Variants in LPCAT3 observed in about 807,000 individuals in gnomAD.
LPCAT3 encodes the protein lysophosphatidylcholine acyltransferase 3.
Under a neutral mutation model 63.4 loss-of-function variants are expected in LPCAT3, and 21 were observed. That is an observed-to-expected ratio of 0.33 (90% confidence interval 0.23 to 0.48). The LOEUF (loss-of-function observed/expected upper bound fraction) is 0.48, where lower values mean the gene tolerates loss of function less well. LPCAT3 is among the 20% of genes least tolerant of loss of function. The pLI, the probability that LPCAT3 is intolerant of heterozygous loss-of-function variation, is 0.99. For missense variants in LPCAT3, 451 were observed against 590.6 expected (o/e 0.76, Z 2.45); for synonymous variants, 242 against 227.5 (o/e 1.06, Z -0.58).
intron 1 of LPCAT3, among the ~76,000 whole-genome samples, chr12:7,006,772 A>G (rs1310942183): frequency 6.6e-6 from 1 of 152,292 alleles, no homozygotes; most frequent in Non-Finnish European, 1.5e-5. Context: ...CTTTATGTGT[A>G]CTATTTCAGT....
intron 1 of LPCAT3, among the ~76,000 whole-genome samples, chr12:7,009,996 G>T (rs1280641276): frequency 6.6e-6 from 1 of 152,156 alleles, no homozygotes; most frequent in Non-Finnish European, 1.5e-5. Flanking sequence ...ATAAAGAAAT[G>T]GGTGGTTGAA....
chr12:7,000,370 G>A (rs1258449055), intron 1 of LPCAT3, among the ~76,000 whole-genome samples: 3 of 151,190 alleles, frequency 2.0e-5, no homozygotes, highest in East Asian at 2.0e-4. Flanking sequence ...GGCAGATCAC[G>A]AGGTCAGGAG....
chr12:7,000,301 A>G (rs922568056), intron 1 of LPCAT3, among the ~76,000 whole-genome samples: 7 of 151,658 alleles, frequency 4.6e-5, no homozygotes, highest in Non-Finnish European at 7.4e-5. Context: ...CTTAAAGGTG[A>G]AAATATTTGG....
rs1192279719 is a variant in LPCAT3 at position 6,981,859 on chromosome 12, C to T, written c.412G>A (p.Asp138Asn). The change falls in exon 4 of 13, where the codon GAT (aspartate) becomes AAT (asparagine). Residue 138 changes from aspartate (D) to asparagine (N), a missense_variant. Coordinates refer to ENST00000261407, the MANE Select transcript of LPCAT3 (RefSeq NM_005768.6). ...CAATGTGGCATTGTCCACTTGATATCGTAGTTGCCGGTGGCAGTGTAATAG... is the reference window on the plus strand; with the variant it reads ...CAATGTGGCATTGTCCACTTGATATTGTAGTTGCCGGTGGCAGTGTAATAG... The part of the protein sequence containing the change: ...GYYYTATGNY[D>N]IKWTMPHCVL... The T allele has an allele frequency of 1.2e-6, 2 of 1,613,878 alleles. No homozygotes were observed. The highest frequency in any genetic ancestry group is 1.7e-6 in the Non-Finnish European group (2 of 1,179,866).
intron 1 of LPCAT3, among the ~76,000 whole-genome samples, chr12:7,000,226 C>A (rs1415682946): frequency 6.6e-6 from 1 of 151,138 alleles, no homozygotes; most frequent in Non-Finnish European, 1.5e-5. Flanking sequence ...GGCCTACTTA[C>A]ATTCGTTAAA....
chr12:6,989,933 G>C lies in LPCAT3; in HGVS notation c.152-6394C>G, dbSNP rs907376056. Among the ~76,000 whole-genome samples the C allele has an allele frequency of 1.3e-5, 2 of 152,104 alleles. 1 individual carries two copies. The highest frequency in any genetic ancestry group is 4.1e-4 in the South Asian group (2 of 4,826). On this transcript the variant is annotated intron_variant, in intron 1 of 12. Coordinates refer to ENST00000261407, the MANE Select transcript of LPCAT3 (RefSeq NM_005768.6). ...CACACCTGTAATCCCAGTGCTTTGG[G>C]AGGCTGAGACGGGAGAATCACTGGA...
intron 1 of LPCAT3, among the ~76,000 whole-genome samples, chr12:7,002,909 T>C (rs1227524129): frequency 6.6e-6 from 1 of 152,064 alleles, no homozygotes; most frequent in Non-Finnish European, 1.5e-5. Flanking sequence ...CTCAGGAGGC[T>C]GAGGCAGGAG....
intron 2 of LPCAT3, chr12:6,983,082 A>G (rs781963731): frequency 3.9e-5 from 21 of 536,530 alleles, no homozygotes; most frequent in South Asian, 3.5e-4. Flanking sequence ...CCGGGCTACC[A>G]CACCCAGCTT....
intron 1 of LPCAT3, among the ~76,000 whole-genome samples, chr12:7,012,328 C>A (rs1735598887): frequency 6.6e-6 from 1 of 152,160 alleles, no homozygotes; most frequent in African/African-American, 2.4e-5. Flanking sequence ...ACATGCTCCT[C>A]CCAATCTCAG....
At chr12:7,003,819 G>A (rs1555156699) in intron 1 of LPCAT3, among the ~76,000 whole-genome samples, 1 of 151,764 alleles carries the variant, frequency 6.6e-6, no homozygotes, top group African/African-American at 2.4e-5. Context: ...CTACTTGGGA[G>A]GCTGAGGCAG....
rs59048377 is a variant in LPCAT3 at position 6,990,526 on chromosome 12, A to AAAATAAAT, written c.152-6995_152-6988dup. 7.7e-3 allele frequency among the ~76,000 whole-genome samples: 1,115 copies of AAAATAAAT among 144,490 alleles called. 13 individuals carry two copies. The highest frequency in any genetic ancestry group is 0.034 in the East Asian group (166 of 4,918). 94.8% of individuals were successfully genotyped at this position (144,490 alleles called of 152,430 possible). The stretch of plus-strand genomic sequence containing the variant: ...TCCGCCTCAAAAAGAAAATTAAAAT[A>AAAATAAAT]AAATAAATAAATAAATAAATAAATA... On this transcript the variant is annotated intron_variant, in intron 1 of 12. Transcript: ENST00000261407.
At chr12:6,992,109 C>T (rs1231184965) in intron 1 of LPCAT3, among the ~76,000 whole-genome samples, 1 of 151,866 alleles carries the variant, frequency 6.6e-6, no homozygotes, top group Non-Finnish European at 1.5e-5. Flanking sequence ...ACATTTGATA[C>T]AATTAACAAT....
Position 6,977,436 on chromosome 12 carries a change from G to A in LPCAT3, c.1278C>T (p.Thr426=), listed in dbSNP as rs781852721. 6.2e-7 allele frequency: 1 copy of A among 1,614,178 alleles called. No individual in the cohort carries two copies. The highest frequency in any genetic ancestry group is 2.2e-5 in the East Asian group (1 of 44,880). ...AGTAACCCATGAAGAGCCAGTGGATGGTCTGTTGCACCAAATAGTAGAAGG... is the reference window on the plus strand; with the variant it reads ...AGTAACCCATGAAGAGCCAGTGGATAGTCTGTTGCACCAAATAGTAGAAGG... ...LQPFYYLVQQ[T]IHWLFMGYSM... Residue 426 remains threonine (T), a synonymous_variant, in exon 11 of 13, where the codon ACC becomes ACT. Coordinates refer to ENST00000261407, the MANE Select transcript of LPCAT3 (RefSeq NM_005768.6). This position sits in a 1 kb window ranked among gnomAD's most constrained non-coding sequence, Gnocchi z 4.5.
intron 7 of LPCAT3, 83 bp from the exon 8 acceptor site, chr12:6,978,772 G>C (rs782279915): frequency 7.5e-5 from 118 of 1,566,836 alleles, no homozygotes; most frequent in Non-Finnish European, 9.8e-5. Context: ...CACACTTGTG[G>C]CTGGCTACTT....
chr12:7,001,395 T>C (rs1946686462), intron 1 of LPCAT3: 5 of 454,428 alleles, frequency 1.1e-5, no homozygotes, highest in South Asian at 7.8e-5. Context: ...AAAAAAATAA[T>C]CAACCACCAC....
rs149121146 is a variant in LPCAT3 at position 6,980,401 on chromosome 12, G to A, written c.677+603C>T. ...ATTTTGCTATGTTGCCCAGAATGGA[G>A]TGCAGTGGTGTGATCAAAGCTCACT... On this transcript the variant is annotated intron_variant, in intron 6 of 12. Coordinates refer to ENST00000261407, the MANE Select transcript of LPCAT3 (RefSeq NM_005768.6). 3.6e-3 allele frequency among the ~76,000 whole-genome samples: 549 copies of A among 152,220 alleles called. 7 individuals carry two copies. The highest frequency in any genetic ancestry group is 0.014 in the Middle Eastern group (4 of 294).
chr12:6,997,379 ATGTGTGTG>A (rs201579525), intron 1 of LPCAT3: 2,956 of 114,106 alleles, frequency 0.026, 29 homozygotes, highest in Middle Eastern at 0.076. Context: ...ACAGCAAATT[ATGTGTGTG>A]TGTGTGTGTG....
At chr12:6,986,477 T>C (rs1397683950) in intron 1 of LPCAT3, among the ~76,000 whole-genome samples, 2 of 152,168 alleles carry the variant, frequency 1.3e-5, no homozygotes, top group African/African-American at 4.8e-5. Context: ...AGTAGTTAAG[T>C]TTTTGGAGAG....
Position 6,977,840 on chromosome 12 carries a change from GTGC to G in LPCAT3, c.1041-98_1041-96del. The G allele has an allele frequency of 6.9e-7, 1 of 1,457,732 alleles. No homozygotes were observed. Among genetic ancestry groups the G allele is most frequent in the African/African-American group, 1.4e-5 (1 of 71,872 alleles). The allele number at this position is 1,457,732 out of a possible 1,614,324, so 90.3% of individuals were successfully genotyped here. ...TCCTCACCCTGAGGATTGGATTGGAGTGCTGGTGGGTTCCCACGTGTAGCCCCC... is the reference window on the plus strand; with the variant it reads ...TCCTCACCCTGAGGATTGGATTGGAGTGGTGGGTTCCCACGTGTAGCCCCC... On this transcript the variant is annotated intron_variant, in intron 9 of 12. Coordinates refer to ENST00000261407, the MANE Select transcript of LPCAT3 (RefSeq NM_005768.6). This position sits in a 1 kb window ranked among gnomAD's most constrained non-coding sequence, Gnocchi z 4.5.
Sources: gnomAD v4.1 joint callset for allele counts (sites outside exome capture counted in the v4.1 genomes callset) on GRCh38, gnomAD v4.1.1 for gene constraint, Gnocchi (gnomAD v3.1) non-coding constraint, MANE v1.5 for transcripts, NCBI Gene and HGNC (gene_info 2026-07-23, HGNC 2026-07-21) for gene names.